SUGCT: variants seen among roughly 807,000 people sequenced by gnomAD.
The protein encoded by SUGCT is succinyl-CoA:glutarate-CoA transferase, also known as succinyl-CoA:glutarate CoA-transferase.
SUGCT carries 41 observed loss-of-function variants against 55.0 expected under a neutral mutation model. That is an observed-to-expected ratio of 0.74 (90% confidence interval 0.58 to 0.97). SUGCT has a LOEUF of 0.97. Ranked by LOEUF, SUGCT falls within the 50% of genes least tolerant of loss-of-function variation. The probability of loss-of-function intolerance (pLI) is 0.00; values close to 1 mark genes in which losing one functional copy is unlikely to be tolerated. For synonymous variants in SUGCT, 187 were observed against 200.4 expected (o/e 0.93, Z 0.56); for missense variants, 568 against 547.8 (o/e 1.04, Z -0.37).
At chr7:40,809,040 A>G (rs984281213) in intron 13 of SUGCT, among the ~76,000 whole-genome samples, 11 of 152,204 alleles carry the variant, frequency 7.2e-5, no homozygotes, top group African/African-American at 2.4e-4. Flanking sequence ...TGGACTGGAC[A>G]AGATAAATTT....
intron 13 of SUGCT, among the ~76,000 whole-genome samples, chr7:40,750,953 C>G (rs1468994418): frequency 1.3e-5 from 2 of 152,152 alleles, no homozygotes; most frequent in Non-Finnish European, 2.9e-5. Context: ...GACAACTTCA[C>G]CCCTGGCCAC....
At chr7:40,374,304 G>A (rs1283182557) in intron 9 of SUGCT, among the ~76,000 whole-genome samples, 1 of 152,130 alleles carries the variant, frequency 6.6e-6, no homozygotes, top group Non-Finnish European at 1.5e-5. Context: ...TCTTCAAAAT[G>A]ACCCTGTGAG....
intron 13 of SUGCT, among the ~76,000 whole-genome samples, chr7:40,824,544 G>T (rs1272388746): frequency 6.6e-6 from 1 of 152,152 alleles, no homozygotes; most frequent in Non-Finnish European, 1.5e-5. Flanking sequence ...ATTCGTTGGG[G>T]TACATGATGC....
At chr7:40,745,309 A>G (rs1787680444) in intron 12 of SUGCT, among the ~76,000 whole-genome samples, 1 of 152,042 alleles carries the variant, frequency 6.6e-6, no homozygotes, top group African/African-American at 2.4e-5. Context: ...AAATATTTTC[A>G]CTGTCTATGG....
chr7:40,898,132 G>A, the SUGCT span, among the ~76,000 whole-genome samples: 2 of 151,896 alleles, frequency 1.3e-5, no homozygotes, highest in Admixed American at 6.5e-5. Flanking sequence ...CGTGAAGCCA[G>A]CAAGACCACC....
intron 9 of SUGCT, among the ~76,000 whole-genome samples, chr7:40,342,668 A>G (rs952268140): frequency 6.6e-6 from 1 of 150,438 alleles, no homozygotes; most frequent in Non-Finnish European, 1.5e-5. Context: ...TTTGAGGCAG[A>G]GTCTTGCTCT....
chr7:40,489,686 C>CAAAACAA (rs916095107), intron 11 of SUGCT, among the ~76,000 whole-genome samples: 1 of 151,892 alleles, frequency 6.6e-6, no homozygotes, highest in Non-Finnish European at 1.5e-5. Context: ...TCTCAAAAAA[C>CAAAACAA]AAAACAAAAA....
At chr7:40,612,355 G>A (rs1798806564) in intron 12 of SUGCT, among the ~76,000 whole-genome samples, 1 of 152,164 alleles carries the variant, frequency 6.6e-6, no homozygotes, top group South Asian at 2.1e-4. Flanking sequence ...ACTTTAGTGA[G>A]GTTGAATACT....
At chr7:40,317,738 G>C (rs1284089448) in intron 9 of SUGCT, among the ~76,000 whole-genome samples, 1 of 152,124 alleles carries the variant, frequency 6.6e-6, no homozygotes, top group African/African-American at 2.4e-5. Context: ...CATCCTTTTA[G>C]CTTTAAGACA....
At chr7:40,775,072 G>T (rs764348685) in intron 13 of SUGCT, among the ~76,000 whole-genome samples, 1 of 152,068 alleles carries the variant, frequency 6.6e-6, no homozygotes, top group Non-Finnish European at 1.5e-5. Flanking sequence ...TGTTATTGGG[G>T]TTTCTACACA....
chr7:40,451,321 G>A (rs1680100047), intron 10 of SUGCT, among the ~76,000 whole-genome samples: 1 of 152,098 alleles, frequency 6.6e-6, no homozygotes, highest in African/African-American at 2.4e-5. Flanking sequence ...TGAATTCTTT[G>A]TATTTTTGAT....
chr7:40,666,005 C>T (rs938751654), intron 12 of SUGCT, among the ~76,000 whole-genome samples: 2 of 151,788 alleles, frequency 1.3e-5, no homozygotes, highest in African/African-American at 2.4e-5. Context: ...AGGATTTGAT[C>T]GACAGTTTGA....
At chr7:40,533,722 A>G (rs746641931) in intron 12 of SUGCT, among the ~76,000 whole-genome samples, 67 of 152,132 alleles carry the variant, frequency 4.4e-4, no homozygotes, top group Non-Finnish European at 1.3e-4. Context: ...TATATGTTCT[A>G]TTAAATAACA....
intron 9 of SUGCT, among the ~76,000 whole-genome samples, chr7:40,385,688 T>G (rs1158912046): frequency 6.8e-6 from 1 of 146,842 alleles, no homozygotes; most frequent in East Asian, 2.1e-4. Context: ...GGTCTTTTCA[T>G]TTTTAGGGAA....
chr7:40,680,896 C>T (rs1461446560), intron 12 of SUGCT, among the ~76,000 whole-genome samples: 1 of 152,152 alleles, frequency 6.6e-6, no homozygotes, highest in East Asian at 1.9e-4. Context: ...ACCATGTCCA[C>T]ACTTAACATT....
At chr7:40,836,885 T>C (rs1793010611) in intron 13 of SUGCT, among the ~76,000 whole-genome samples, 1 of 152,174 alleles carries the variant, frequency 6.6e-6, no homozygotes, top group Admixed American at 6.6e-5. Flanking sequence ...AGATTTTGCA[T>C]TACATATGAA....
At chr7:40,698,816 A>G (rs1292222496) in intron 12 of SUGCT, among the ~76,000 whole-genome samples, 3 of 152,070 alleles carry the variant, frequency 2.0e-5, no homozygotes, top group Admixed American at 6.5e-5. Flanking sequence ...GATGCCTGCG[A>G]TTTTGGTATA....
chr7:40,207,760 T>C (rs1159413441), intron 6 of SUGCT, among the ~76,000 whole-genome samples: 2 of 151,938 alleles, frequency 1.3e-5, no homozygotes, highest in African/African-American at 4.8e-5. Flanking sequence ...GAGACTGCAG[T>C]GAGCTGAGAT....
At chr7:40,781,473 A>G (rs149371956) in intron 13 of SUGCT, among the ~76,000 whole-genome samples, 1 of 151,954 alleles carries the variant, frequency 6.6e-6, no homozygotes, top group East Asian at 1.9e-4. Flanking sequence ...GAAGATACAC[A>G]CACACATACA....
Sources: gnomAD v4.1 joint callset for allele counts (sites outside exome capture counted in the v4.1 genomes callset) on GRCh38, gnomAD v4.1.1 for gene constraint, MANE v1.5 for transcripts, NCBI Gene and HGNC (gene_info 2026-07-23, HGNC 2026-07-21) for gene names.